Variants in DNAH3 observed in about 807,000 individuals in gnomAD.
DNAH3 encodes axonemal beta dynein heavy chain 3.
Under a neutral mutation model 432.5 loss-of-function variants are expected in DNAH3, and 332 were observed. That is an observed-to-expected ratio of 0.77 (90% confidence interval 0.70 to 0.84). DNAH3 has a LOEUF of 0.84. DNAH3 is among the 40% of genes least tolerant of loss of function. DNAH3 has a pLI of 0.00. For synonymous variants in DNAH3, 1,956 were observed against 1,900.2 expected (o/e 1.03, Z -0.76); for missense variants, 4,861 against 5,114.0 (o/e 0.95, Z 1.51).
At chr16:21,083,276 A>C (rs1223651147) in intron 19 of DNAH3, among the ~76,000 whole-genome samples, 1 of 152,302 alleles carries the variant, frequency 6.6e-6, no homozygotes, top group South Asian at 2.1e-4. Flanking sequence ...TCGGCCTCCC[A>C]AAGTGTTGGG....
intron 35 of DNAH3, 95 bp from the exon 36 acceptor site, chr16:21,034,180 G>T: frequency 1.3e-6 from 1 of 778,438 alleles, no homozygotes; most frequent in South Asian, 1.7e-5. Context: ...GGGGTCAGAA[G>T]AGGATTCTCA....
intron 1 of DNAH3, among the ~76,000 whole-genome samples, chr16:21,149,529 C>T (rs1429006689): frequency 6.6e-6 from 1 of 152,160 alleles, no homozygotes; most frequent in Admixed American, 6.6e-5. Context: ...AGGCCATTCC[C>T]AAATGCTCGT....
intron 3 of DNAH3, among the ~76,000 whole-genome samples, chr16:21,144,813 C>G (rs191986987): frequency 6.6e-6 from 1 of 152,130 alleles, no homozygotes; most frequent in Admixed American, 6.5e-5. Context: ...GGATCAGAAT[C>G]CAGGAGTAAA....
chr16:20,965,155 T>A (rs752427246), exon 53 of DNAH3: 1 of 1,614,058 alleles, frequency 6.2e-7, no homozygotes. Context: ...CCCCTCTGCC[T>A]CCCTCAGTCG....
At position 21,111,606 on chromosome 16, in the gene DNAH3, T is replaced by C. The variant is rs746729104; in HGVS notation, c.2099+20A>G. 2.5e-6 allele frequency: 4 copies of C among 1,600,074 alleles called. No individual in the cohort carries two copies. The highest frequency in any genetic ancestry group is 3.4e-6 in the Non-Finnish European group (4 of 1,169,170). Reference sequence around the variant, plus strand: ...TGGTGCCAAATACCATTGCTATTTGTCTGCACAGAATTACAATACCTGGTA... The same window carrying C: ...TGGTGCCAAATACCATTGCTATTTGCCTGCACAGAATTACAATACCTGGTA... On this transcript the variant is annotated intron_variant, in intron 14 of 61. Transcript: ENST00000261383.
intron 1 of DNAH3, among the ~76,000 whole-genome samples, chr16:21,152,980 C>T (rs1040803613): frequency 3.3e-4 from 50 of 152,218 alleles, no homozygotes; most frequent in Admixed American, 1.2e-3. Context: ...CTGAGGAGTG[C>T]GGGCCCACGG....
chr16:21,070,673 G>A (rs199661342), intron 22 of DNAH3, 37 bp downstream of exon 22: 5 of 1,397,182 alleles, frequency 3.6e-6, no homozygotes, highest in Non-Finnish European at 5.1e-6. Flanking sequence ...CAGAGCTAAC[G>A]AAACACCTCA....
intron 7 of DNAH3, 107 bp from the exon 9 acceptor site, chr16:21,127,919 C>T: frequency 7.4e-7 from 1 of 1,354,184 alleles, no homozygotes. Context: ...GAAAGTTAAG[C>T]AGAATCAAAT....
chr16:20,989,298 G>A (rs534037742), intron 44 of DNAH3, among the ~76,000 whole-genome samples: 1 of 152,190 alleles, frequency 6.6e-6, no homozygotes, highest in Non-Finnish European at 1.5e-5. Flanking sequence ...TCTACACAAA[G>A]GTTCTCCAAG....
chr16:21,112,168 C>A, intron 12 of DNAH3, 70 bp from the exon 13 acceptor site: 1 of 1,003,568 alleles, frequency 1.0e-6, no homozygotes, highest in Non-Finnish European at 1.5e-6. Context: ...GTCAGAGTGG[C>A]AAATGAAGAC....
rs938456207 is a variant in DNAH3, at chr16:20,987,586, C to T, written c.6882+107G>A. 3.5e-5 allele frequency: 54 copies of T among 1,537,780 alleles called. No homozygotes were observed. In the East Asian group the frequency reaches 1.0e-3, roughly 28 times the overall value. On this transcript the variant is annotated intron_variant, in intron 46 of 61. Transcript: ENST00000261383. ...ATAAAATGCTTAGCACAATGCCTAG[C>T]ATAGACTAAGTGCCTAATAAAAGTT...
intron 53 of DNAH3, among the ~76,000 whole-genome samples, chr16:20,960,751 C>G (rs1184304770): frequency 6.6e-6 from 1 of 152,188 alleles, no homozygotes; most frequent in Non-Finnish European, 1.5e-5. Context: ...CATTTGACTA[C>G]TGACCCAAGG....
chr16:21,049,405 G>A (rs887275225), intron 31 of DNAH3, among the ~76,000 whole-genome samples, 164 bp downstream of exon 31: 17 of 152,184 alleles, frequency 1.1e-4, no homozygotes, highest in Middle Eastern at 3.2e-3. Flanking sequence ...ACATGCATCT[G>A]TCTCCTTGAG....
At chr16:21,111,841 C>T (rs748237728) in intron 13 of DNAH3, 37 bp from the exon 14 acceptor site, 4 of 1,602,952 alleles carry the variant, frequency 2.5e-6, no homozygotes, top group Non-Finnish European at 3.4e-6. Flanking sequence ...TTGATTTGCC[C>T]TTGAGCCTCT....
exon 49 of DNAH3, chr16:20,982,766 T>C (rs969114762): frequency 1.2e-6 from 2 of 1,614,040 alleles, no homozygotes; most frequent in African/African-American, 2.7e-5. Context: ...TAGAAATTTG[T>C]TAGCCACCAA....
intron 12 of DNAH3, among the ~76,000 whole-genome samples, chr16:21,114,210 G>A (rs1450779661): frequency 2.6e-5 from 4 of 152,082 alleles, no homozygotes; most frequent in African/African-American, 9.7e-5. Flanking sequence ...GCAGACAAAG[G>A]GGACGCCTGT....
intron 7 of DNAH3, among the ~76,000 whole-genome samples, chr16:21,131,504 A>AAG (rs1567846295): frequency 3.5e-4 from 49 of 139,282 alleles, no homozygotes; most frequent in East Asian, 6.4e-4. Context: ...GAGATGAGAG[A>AAG]GAAGGAAGGA....
chr16:20,995,628 CCTCT>C (rs757039719), intron 44 of DNAH3, among the ~76,000 whole-genome samples: 29 of 151,818 alleles, frequency 1.9e-4, no homozygotes, highest in East Asian at 5.8e-4. Flanking sequence ...GCCTTTTTTC[CCTCT>C]CTCTCTTTTA....
intron 32 of DNAH3, among the ~76,000 whole-genome samples, chr16:21,040,156 G>A (rs1169237924): frequency 1.3e-5 from 2 of 152,002 alleles, no homozygotes; most frequent in South Asian, 2.1e-4. Context: ...CCCTATGCGG[G>A]TACATGTTGT....
Sources: allele counts gnomAD v4.1 joint callset (sites outside exome capture counted in the v4.1 genomes callset), GRCh38; gene constraint gnomAD v4.1.1; transcripts MANE v1.5; gene names NCBI Gene and HGNC (gene_info 2026-07-23, HGNC 2026-07-21).